Variants in PTPRD observed in about 807,000 individuals in gnomAD.
The protein encoded by PTPRD is receptor-type tyrosine-protein phosphatase delta.
Under a neutral mutation model 214.5 loss-of-function variants are expected in PTPRD, and 34 were observed. That is an observed-to-expected ratio of 0.16 (90% CI 0.12 to 0.21). The LOEUF (loss-of-function observed/expected upper bound fraction) is 0.21, where lower values mean the gene tolerates loss of function less well. Ranked by LOEUF, PTPRD falls within the 10% of genes least tolerant of loss-of-function variation. The pLI, the probability that PTPRD is intolerant of heterozygous loss-of-function variation, is 1.00. For synonymous variants in PTPRD, 1,128 were observed against 845.7 expected, an observed-to-expected ratio of 1.33 and a Z score of -5.79; for missense variants, 2,545 against 2,398.7, an observed-to-expected ratio of 1.06 and a Z score of -1.27.
At chr9:10,475,199 GA>G (rs1286955011) in intron 2 of PTPRD, among the ~76,000 whole-genome samples, 4 of 151,944 alleles carry the variant, frequency 2.6e-5, no homozygotes, top group Non-Finnish European at 5.9e-5. Context: ...TCCAGGAGCG[GA>G]TTTTTTTGAA....
intron 42 of PTPRD, 79 bp from the exon 43 acceptor site, chr9:8,339,126 C>A (rs528180084): frequency 3.0e-6 from 4 of 1,355,296 alleles, no homozygotes; most frequent in Non-Finnish European, 2.0e-6. Context: ...TCTATCTAAT[C>A]TATCTAATTT....
At chr9:9,681,966 G>A (rs950361062) in intron 7 of PTPRD, among the ~76,000 whole-genome samples, 1 of 151,742 alleles carries the variant, frequency 6.6e-6, no homozygotes, top group Non-Finnish European at 1.5e-5. Context: ...GCATTCTAGA[G>A]ATTAGGAAAG....
intron 3 of PTPRD, among the ~76,000 whole-genome samples, chr9:10,257,878 A>G (rs2093400560): frequency 6.6e-6 from 1 of 152,224 alleles, no homozygotes; most frequent in South Asian, 2.1e-4. Context: ...AACTAAAATA[A>G]AACAAAATAA....
At chr9:9,837,569 C>T (rs776157217) in intron 5 of PTPRD, among the ~76,000 whole-genome samples, 28 of 152,004 alleles carry the variant, frequency 1.8e-4, no homozygotes, top group Non-Finnish European at 2.2e-4. Context: ...CTTTGATTTG[C>T]TTTTGACTTT....
chr9:9,827,599 A>G (rs2053388366), intron 5 of PTPRD, among the ~76,000 whole-genome samples: 1 of 152,232 alleles, frequency 6.6e-6, no homozygotes, highest in South Asian at 2.1e-4. Context: ...AGGCATGGGC[A>G]AGGACTTCAT....
chr9:9,917,854 T>C (rs1323549215), intron 5 of PTPRD, among the ~76,000 whole-genome samples: 3 of 152,118 alleles, frequency 2.0e-5, no homozygotes, highest in South Asian at 2.1e-4. Flanking sequence ...TATCAATACA[T>C]ACATTTGACA....
intron 14 of PTPRD, among the ~76,000 whole-genome samples, chr9:8,564,441 A>G (rs946878256): frequency 1.3e-5 from 2 of 152,098 alleles, no homozygotes; most frequent in Non-Finnish European, 2.9e-5. Flanking sequence ...GCTCACACAT[A>G]TAATCTCAGC....
intron 5 of PTPRD, among the ~76,000 whole-genome samples, chr9:9,931,334 A>G (rs989384413): frequency 6.6e-6 from 1 of 152,206 alleles, no homozygotes; most frequent in Non-Finnish European, 1.5e-5. Context: ...CTCACTAGGG[A>G]GTGCCAGACA....
chr9:8,406,972 C>T (rs2093045567), intron 35 of PTPRD, among the ~76,000 whole-genome samples: 1 of 152,174 alleles, frequency 6.6e-6, no homozygotes, highest in South Asian at 2.1e-4. Flanking sequence ...ACTAAGATCA[C>T]CCACAGATGT....
At position 8,951,138 on chromosome 9, in the gene PTPRD, A is replaced by AGTGTGTGTGTGTGTGTGTGT. The variant is rs56212369; in HGVS notation, c.-104+67539_-104+67558dup. On this transcript the variant is annotated intron_variant, in intron 11 of 45. Coordinates refer to ENST00000381196, the MANE Select transcript of PTPRD (RefSeq NM_002839.4). The stretch of plus-strand genomic sequence containing the variant: ...GTTAAGGCATTTGTTTAGGAAAAAG[A>AGTGTGTGTGTGTGTGTGTGT]GTGTGTGTGTGTGTGTGTGTAAGAG... Among the ~76,000 whole-genome samples the AGTGTGTGTGTGTGTGTGTGT allele has an allele frequency of 9.6e-4, 141 of 147,230 alleles. 1 individual carries two copies. Among genetic ancestry groups the AGTGTGTGTGTGTGTGTGTGT allele is most frequent in the Admixed American group, 1.4e-3 (21 of 14,576 alleles).
intron 39 of PTPRD, among the ~76,000 whole-genome samples, chr9:8,366,747 T>G (rs1425110417): frequency 3.3e-5 from 5 of 152,206 alleles, no homozygotes; most frequent in African/African-American, 1.2e-4. Flanking sequence ...AGGGCACTCC[T>G]GGGGCTTATT....
At chr9:9,063,228 GA>G (rs539006017) in intron 10 of PTPRD, among the ~76,000 whole-genome samples, 8 of 152,008 alleles carry the variant, frequency 5.3e-5, no homozygotes, top group Admixed American at 5.2e-4. Context: ...ATATGAGATA[GA>G]AAAAAACAGT....
intron 9 of PTPRD, among the ~76,000 whole-genome samples, chr9:9,354,871 G>C (rs989536623): frequency 5.3e-5 from 8 of 151,594 alleles, no homozygotes; most frequent in African/African-American, 1.9e-4. Context: ...TGGAGGGTGA[G>C]GTAACAACTA....
chr9:8,749,786 A>AT (rs2093329898), intron 11 of PTPRD, among the ~76,000 whole-genome samples: 1 of 152,150 alleles, frequency 6.6e-6, no homozygotes, highest in Non-Finnish European at 1.5e-5. Flanking sequence ...TAGGGACAAG[A>AT]GACTTATAAT....
intron 2 of PTPRD, among the ~76,000 whole-genome samples, chr9:10,430,272 C>T (rs1033834500): frequency 1.1e-4 from 17 of 151,586 alleles, no homozygotes; most frequent in Admixed American, 9.2e-4. Context: ...AAATATTGAT[C>T]CTTTTATCTC....
At chr9:10,551,418 G>A (rs2061331776) in intron 2 of PTPRD, among the ~76,000 whole-genome samples, 1 of 152,108 alleles carries the variant, frequency 6.6e-6, no homozygotes, top group Non-Finnish European at 1.5e-5. Context: ...GAATGTCTAT[G>A]TTCCTCAAAA....
At chr9:9,939,013 C>CTT (rs58215302) in intron 4 of PTPRD, among the ~76,000 whole-genome samples, 5,710 of 148,094 alleles carry the variant, frequency 0.039, 126 homozygotes, top group Non-Finnish European at 0.056. Context: ...TTCTGAATTC[C>CTT]TTTTTTTTTT....
intron 2 of PTPRD, among the ~76,000 whole-genome samples, chr9:10,449,371 C>T (rs992366264): frequency 2.0e-5 from 3 of 151,884 alleles, no homozygotes; most frequent in African/African-American, 7.3e-5. Context: ...AGTGCAGTGG[C>T]GTGATCTCCG....
At position 9,454,348 on chromosome 9, in the gene PTPRD, C is replaced by A. The variant is rs750267426; in HGVS notation, c.-236-56866G>T. Among the ~76,000 whole-genome samples the A allele has an allele frequency of 5.9e-5, 9 of 151,722 alleles. 1 individual carries two copies. The highest frequency in any genetic ancestry group is 2.6e-4 in the Admixed American group (4 of 15,160). ...ACATGGAATTGGGAAGACATACCAG[C>A]CACCCATTCTTGCAATCCAGTATGA... On this transcript the variant is annotated intron_variant, in intron 8 of 45. Coordinates refer to ENST00000381196, the MANE Select transcript of PTPRD (RefSeq NM_002839.4).
Sources: gnomAD v4.1 joint callset for allele counts (sites outside exome capture counted in the v4.1 genomes callset) on GRCh38, gnomAD v4.1.1 for gene constraint, MANE v1.5 for transcripts, NCBI Gene and HGNC (gene_info 2026-07-23, HGNC 2026-07-21) for gene names.